The following SH3PXD2A variants were observed in gnomAD, a reference collection of about 807,000 sequenced individuals.
SH3PXD2A encodes the protein SH3 and PX domains 2A.
In SH3PXD2A, 32 loss-of-function variants were observed where a neutral mutation model predicts 115.2. The ratio of observed to expected loss-of-function variants is 0.28; its 90% confidence interval spans 0.21 to 0.37. The LOEUF is 0.37. Ranked by LOEUF, SH3PXD2A falls within the 10% of genes least tolerant of loss-of-function variation. The pLI is 1.00. For synonymous variants in SH3PXD2A, 610 were observed against 629.1 expected (o/e 0.97, Z 0.45); for missense variants, 1,328 against 1,498.7 (o/e 0.89, Z 1.88).
At chr10:103,735,704 C>A (rs996741047) in intron 4 of SH3PXD2A, 28 bp downstream of exon 4, 2 of 1,493,654 alleles carry the variant, frequency 1.3e-6, no homozygotes, top group African/African-American at 1.4e-5. Flanking sequence ...TCCCCGAGCC[C>A]CTCCCCCAGC....
chr10:103,599,269 TGG>T lies in SH3PXD2A; in HGVS notation c.*2545_*2546del, dbSNP rs878975191. The T allele has an allele frequency of 1.4e-4, 8 of 56,610 alleles. No individual in the cohort carries two copies. The South Asian group carries it at 5.4e-3, about 38-fold the overall frequency. 3.5% of individuals were successfully genotyped at this position (56,610 alleles called of 1,614,324 possible). ...CTGGGGGTCAAGGAGAGGGGGTCCT[TGG>T]GGGGGGCTGGGAGAATGTGGGGGGC... On this transcript the variant is annotated 3_prime_UTR_variant, in exon 15 of 15. Coordinates refer to ENST00000369774, the MANE Select transcript of SH3PXD2A (RefSeq NM_001394015.1).
Position 103,798,813 on chromosome 10 carries a change from C to G in SH3PXD2A, c.153+2469G>C, listed in dbSNP as rs528711505. Among the ~76,000 whole-genome samples, 4 of 152,304 alleles carry G rather than the reference C, an allele frequency of 2.6e-5. No individual in the cohort carries two copies. The East Asian group carries it at 7.7e-4, about 29-fold the overall frequency. ...GAGGCCTACCTGGCTCTGAATACGC[C>G]GGCAGGGACTGGGCACAGGGAGCTC... On this transcript the variant is annotated intron_variant, in intron 2 of 14. Transcript: ENST00000369774.
Position 103,693,212 on chromosome 10 carries a change from C to A in SH3PXD2A, c.399-156G>T, listed in dbSNP as rs1479052059. ...GCTAGCCGCGCGCTCCGCAGCCGCACGCACTGCGCGCCGCGCCCGCCCGCC... is the reference window on the plus strand; with the variant it reads ...GCTAGCCGCGCGCTCCGCAGCCGCAAGCACTGCGCGCCGCGCCCGCCCGCC... On this transcript the variant is annotated intron_variant, in intron 5 of 14. Transcript: ENST00000369774. 8 of 213,292 alleles carry A rather than the reference C, an allele frequency of 3.8e-5. No individual in the cohort carries two copies. In the South Asian group the frequency reaches 7.8e-4, roughly 21 times the overall value. The allele number at this position is 213,292 out of a possible 1,614,324, so 13.2% of individuals were successfully genotyped here. A position where few individuals can be genotyped will look rare whatever the true frequency, so the allele number is the denominator to read the frequency against.
chr10:103,672,986 A>G (rs1399895385), intron 6 of SH3PXD2A, among the ~76,000 whole-genome samples: 3 of 152,188 alleles, frequency 2.0e-5, no homozygotes, highest in South Asian at 2.1e-4. Context: ...CAGGGACCCA[A>G]AGGTACTTAG....
chr10:103,608,240 G>T (rs1403320065), intron 13 of SH3PXD2A, among the ~76,000 whole-genome samples: 2 of 148,004 alleles, frequency 1.4e-5, no homozygotes, highest in Non-Finnish European at 3.0e-5. Flanking sequence ...GGCTTCCGGA[G>T]TCCCGGAAGC....
Position 103,599,076 on chromosome 10 carries a change from TGAG to T in SH3PXD2A, c.*2737_*2739del, listed in dbSNP as rs1279454852. ...ACCACACAATAAACTATAATGGCAGTGAGGAGGAGCACGGGATTAATGTAGTGG... is the reference window on the plus strand; with the variant it reads ...ACCACACAATAAACTATAATGGCAGTGAGGAGCACGGGATTAATGTAGTGG... On this transcript the variant is annotated 3_prime_UTR_variant, in exon 15 of 15. Coordinates refer to ENST00000369774, the MANE Select transcript of SH3PXD2A (RefSeq NM_001394015.1). The T allele has an allele frequency of 1.3e-5, 2 of 152,228 alleles. No individual in the cohort carries two copies. Among genetic ancestry groups the T allele is most frequent in the African/African-American group, 2.4e-5 (1 of 41,300 alleles). 9.4% of individuals were successfully genotyped at this position (152,228 alleles called of 1,614,324 possible).
intron 1 of SH3PXD2A, among the ~76,000 whole-genome samples, chr10:103,841,910 G>A (rs1589480391): frequency 6.6e-6 from 1 of 152,224 alleles, no homozygotes; most frequent in Admixed American, 6.5e-5. Flanking sequence ...GGATCACGAG[G>A]TCAGGAGATC....
At chr10:103,707,282 C>T (rs150095486) in intron 5 of SH3PXD2A, among the ~76,000 whole-genome samples, 3,530 of 152,034 alleles carry the variant, frequency 0.023, 83 homozygotes, top group African/African-American at 0.055. Flanking sequence ...CTGCAACCTC[C>T]GCCTCCGGGT....
chr10:103,717,796 C>T (rs944274565), intron 5 of SH3PXD2A, among the ~76,000 whole-genome samples: 2 of 152,222 alleles, frequency 1.3e-5, no homozygotes, highest in Non-Finnish European at 2.9e-5. Flanking sequence ...CTCCTGTTTG[C>T]CCTTGTTGAC....
At chr10:103,721,492 C>T (rs550639429) in intron 5 of SH3PXD2A, among the ~76,000 whole-genome samples, 21 of 152,330 alleles carry the variant, frequency 1.4e-4, no homozygotes, top group African/African-American at 4.3e-4. Flanking sequence ...GTGAGGCCGA[C>T]GGATTCAGCT....
chr10:103,741,214 G>A (rs542484645), intron 3 of SH3PXD2A, among the ~76,000 whole-genome samples: 1 of 152,190 alleles, frequency 6.6e-6, no homozygotes, highest in Non-Finnish European at 1.5e-5. Flanking sequence ...AACAGCCAAG[G>A]CCCTGGGGCA....
chr10:103,732,194 A>G (rs137967176), intron 4 of SH3PXD2A, among the ~76,000 whole-genome samples: 1 of 152,184 alleles, frequency 6.6e-6, no homozygotes, highest in Non-Finnish European at 1.5e-5. Context: ...TTGGACAAAC[A>G]CTGCAAACAT....
intron 1 of SH3PXD2A, among the ~76,000 whole-genome samples, chr10:103,853,603 GC>G (rs1425082175): frequency 1.3e-5 from 2 of 152,302 alleles, no homozygotes; most frequent in East Asian, 1.9e-4. Flanking sequence ...TCTGCAGTGG[GC>G]CCCGGTTCTA....
chr10:103,847,339 G>T (rs1288987880), intron 1 of SH3PXD2A, among the ~76,000 whole-genome samples: 1 of 151,204 alleles, frequency 6.6e-6, no homozygotes, highest in East Asian at 1.9e-4. Context: ...TTTGAGACAG[G>T]GTCTCACTCT....
chr10:103,768,088 A>G (rs558616135), intron 2 of SH3PXD2A, among the ~76,000 whole-genome samples: 2 of 152,306 alleles, frequency 1.3e-5, no homozygotes, highest in South Asian at 4.1e-4. Flanking sequence ...TCAGTCTTTC[A>G]AATACATATT....
rs1008641850 is a variant in SH3PXD2A at position 103,599,568 on chromosome 10, TAATA to T, written c.*2244_*2247del. On this transcript the variant is annotated 3_prime_UTR_variant, in exon 15 of 15. Transcript: ENST00000369774. ...TAGTCATAAATTACTTTTTTTCTCT[TAATA>T]AATATGTGCTGTTTAAAAATGAGAA... 6.6e-6 allele frequency: 1 copy of T among 152,580 alleles called. No homozygotes were observed. Among genetic ancestry groups the T allele is most frequent in the African/African-American group, 2.4e-5 (1 of 41,450 alleles). The allele number at this position is 152,580 out of a possible 1,614,324, so 9.5% of individuals were successfully genotyped here.
At chr10:103,683,924 C>T (rs2037643358) in intron 6 of SH3PXD2A, among the ~76,000 whole-genome samples, 1 of 152,210 alleles carries the variant, frequency 6.6e-6, no homozygotes, top group Non-Finnish European at 1.5e-5. Flanking sequence ...CTCAGTTGAG[C>T]TGTGCACTCC....
chr10:103,705,628 G>C (rs2037971645), intron 5 of SH3PXD2A, among the ~76,000 whole-genome samples: 1 of 152,146 alleles, frequency 6.6e-6, no homozygotes, highest in African/African-American at 2.4e-5. Context: ...GATGGGATTG[G>C]AGGCCAACCT....
At chr10:103,613,843 T>C (rs1390683124) in intron 11 of SH3PXD2A, among the ~76,000 whole-genome samples, 3 of 152,226 alleles carry the variant, frequency 2.0e-5, no homozygotes, top group African/African-American at 7.2e-5. Context: ...GCCAGATGAC[T>C]GAATGGGACA....
Sources: gnomAD v4.1 joint callset for allele counts (sites outside exome capture counted in the v4.1 genomes callset) on GRCh38, gnomAD v4.1.1 for gene constraint, MANE v1.5 for transcripts, NCBI Gene and HGNC (gene_info 2026-07-23, HGNC 2026-07-21) for gene names.